Variants in AGT observed in about 807,000 individuals in gnomAD.
AGT encodes angiotensinogen.
A neutral mutation model predicts 28.1 loss-of-function variants in AGT; 26 were observed. The observed-to-expected ratio is 0.92, with a 90% CI of 0.68 to 1.28. AGT has a LOEUF of 1.28. Among genes scored for constraint, AGT ranks in the 50% most tolerant of loss-of-function variants. The pLI is 0.00. For missense variants in AGT, 596 were observed against 592.3 expected, an observed-to-expected ratio of 1.01 and a Z score of -0.06; for synonymous variants, 259 against 259.6, an observed-to-expected ratio of 1.00 and a Z score of 0.02.
intron 1 of AGT, among the ~76,000 whole-genome samples, chr1:230,742,772 C>T (rs145568434): frequency 5.7e-4 from 87 of 152,334 alleles, no homozygotes; most frequent in Non-Finnish European, 4.4e-5. Flanking sequence ...GCACTAAGTG[C>T]TTTCCAACCT....
rs1192349735 is a variant in AGT, at chr1:230,710,573, GCAGCGACTAGCAC to G, written c.238_250del (p.Val80GlnfsTer9). 6.2e-7 allele frequency: 1 copy of G among 1,614,258 alleles called. No individual in the cohort carries two copies. Among genetic ancestry groups the G allele is most frequent in the Admixed American group, 1.7e-5 (1 of 60,034 alleles). On this transcript the variant is annotated frameshift_variant, in exon 2 of 5. Transcript: ENST00000366667. LOFTEE classifies it high-confidence loss of function. Reference sequence around the variant, plus strand: ...CAACTTGTCTTCGGTGTCAAGTTTTGCAGCGACTAGCACCAGCTGGTCCTGTAGGGCCTTTTCA... The same window carrying G: ...CAACTTGTCTTCGGTGTCAAGTTTTGCAGCTGGTCCTGTAGGGCCTTTTCA...
intron 2 of AGT, among the ~76,000 whole-genome samples, chr1:230,708,565 G>A (rs1481404109): frequency 1.3e-5 from 2 of 152,082 alleles, no homozygotes; most frequent in Non-Finnish European, 2.9e-5. Flanking sequence ...GGAGGTTGTT[G>A]TGGTAAGAAA....
At chr1:230,720,509 G>T (rs1663821877) in intron 1 of AGT, among the ~76,000 whole-genome samples, 1 of 152,068 alleles carries the variant, frequency 6.6e-6, no homozygotes. Flanking sequence ...GGCAGATGGG[G>T]CGGGTCCCCG....
At chr1:230,719,297 C>T (rs1663797631), upstream of AGT, among the ~76,000 whole-genome samples, 1 of 152,078 alleles carries the variant, frequency 6.6e-6, no homozygotes, top group Admixed American at 6.6e-5. Context: ...TTGATTCAGA[C>T]ATAGCTGTCC....
chr1:230,704,794 C>T (rs1663335349), intron 3 of AGT, among the ~76,000 whole-genome samples: 1 of 152,198 alleles, frequency 6.6e-6, no homozygotes, highest in Non-Finnish European at 1.5e-5. Context: ...CTCGATTGAT[C>T]TTCGTATAGA....
At chr1:230,744,008 G>A (rs1382415624) in intron 1 of AGT, among the ~76,000 whole-genome samples, 1 of 152,228 alleles carries the variant, frequency 6.6e-6, no homozygotes, top group East Asian at 1.9e-4. Flanking sequence ...CTAAAGAGAA[G>A]AAAATACACT....
intron 1 of AGT, among the ~76,000 whole-genome samples, chr1:230,727,569 T>C (rs1663966682): frequency 6.6e-6 from 1 of 152,148 alleles, no homozygotes; most frequent in South Asian, 2.1e-4. Flanking sequence ...TCTAGCAAAA[T>C]TTAAATGACA....
upstream of AGT, among the ~76,000 whole-genome samples, chr1:230,716,628 G>A (rs1337103493): frequency 6.6e-6 from 1 of 152,120 alleles, no homozygotes; most frequent in Non-Finnish European, 1.5e-5. Context: ...TTTATAAAGG[G>A]GAGTTCCCCT....
chr1:230,731,077 T>C (rs918217170), intron 1 of AGT, among the ~76,000 whole-genome samples: 3 of 152,234 alleles, frequency 2.0e-5, no homozygotes, highest in Non-Finnish European at 4.4e-5. Context: ...CAGAACTTTG[T>C]ATCAGGCCAC....
intron 3 of AGT, among the ~76,000 whole-genome samples, chr1:230,705,502 G>A (rs1351097425): frequency 1.3e-5 from 2 of 152,124 alleles, no homozygotes; most frequent in Non-Finnish European, 2.9e-5. Context: ...GACGCTCCCT[G>A]AGAAGGCCCC....
At chr1:230,707,135 C>G (rs1215749036) in intron 2 of AGT, among the ~76,000 whole-genome samples, 2 of 152,196 alleles carry the variant, frequency 1.3e-5, no homozygotes, top group Non-Finnish European at 1.5e-5. Flanking sequence ...CTCACAGGGC[C>G]GTGCAGATGA....
chr1:230,721,305 GCAA>G (rs1663838887), intron 1 of AGT, among the ~76,000 whole-genome samples: 3 of 152,284 alleles, frequency 2.0e-5, no homozygotes, highest in Admixed American at 2.0e-4. Flanking sequence ...CAACCATGAG[GCAA>G]CAAGTGTAAG....
Position 230,710,541 on chromosome 1 carries a change from C to A in AGT, c.283G>T (p.Ala95Ser). 6.2e-7 allele frequency: 1 copy of A among 1,614,256 alleles called. No homozygotes were observed. The highest frequency in any genetic ancestry group is 1.3e-5 in the African/African-American group (1 of 75,072). The change falls in exon 2 of 5, where the codon GCA (alanine) becomes TCA (serine). Residue 95 changes from alanine to serine, a missense_variant. Transcript: ENST00000366667. ...KLDTEDKLRA[A>S]MVGMLANFLG... ...AAGTTGGCCAGCATCCCGACCATTG[C>A]GGCCCTCAACTTGTCTTCGGTGTCA... is the stretch of plus-strand genomic sequence containing the variant.
chr1:230,741,371 C>T (rs1664246297), intron 1 of AGT, among the ~76,000 whole-genome samples: 1 of 152,228 alleles, frequency 6.6e-6, no homozygotes, highest in Non-Finnish European at 1.5e-5. Context: ...AGGGGAACCA[C>T]CAGGTCGTCC....
upstream of AGT, among the ~76,000 whole-genome samples, chr1:230,715,793 A>T (rs1028636158): frequency 6.6e-6 from 1 of 152,130 alleles, no homozygotes; most frequent in Non-Finnish European, 1.5e-5. Flanking sequence ...TCATTCACTC[A>T]CTATTCCTGG....
chr1:230,732,606 T>G (rs576400391), intron 1 of AGT, among the ~76,000 whole-genome samples: 1 of 152,342 alleles, frequency 6.6e-6, no homozygotes, highest in South Asian at 2.1e-4. Context: ...TAACACATAT[T>G]TTTATGTCGT....
intron 1 of AGT, among the ~76,000 whole-genome samples, chr1:230,726,618 G>A (rs955252674): frequency 6.6e-6 from 1 of 152,116 alleles, no homozygotes; most frequent in African/African-American, 2.4e-5. Flanking sequence ...CTTATTGGAT[G>A]ACTTATATCA....
At chr1:230,734,125 AGGT>A (rs1242160192) in intron 1 of AGT, among the ~76,000 whole-genome samples, 1 of 152,218 alleles carries the variant, frequency 6.6e-6, no homozygotes, top group Non-Finnish European at 1.5e-5. Context: ...TATTTACAAA[AGGT>A]GAATGCAACT....
At chr1:230,734,607 T>C (rs1284956307) in intron 1 of AGT, among the ~76,000 whole-genome samples, 1 of 131,992 alleles carries the variant, frequency 7.6e-6, no homozygotes, top group African/African-American at 3.0e-5. Context: ...ATATGGTGTG[T>C]GTATGTGTGT....
Sources: allele counts gnomAD v4.1 joint callset (sites outside exome capture counted in the v4.1 genomes callset), GRCh38; gene constraint gnomAD v4.1.1; transcripts MANE v1.5; gene names NCBI Gene and HGNC (gene_info 2026-07-23, HGNC 2026-07-21).